The following KCNQ5 variants were observed in gnomAD, a reference collection of about 807,000 sequenced individuals.
The protein encoded by KCNQ5 is potassium voltage-gated channel subfamily Q member 5, also known as potassium voltage-gated channel subfamily KQT member 5.
In KCNQ5, 30 loss-of-function variants were observed where a neutral mutation model predicts 98.2. That is an observed-to-expected ratio of 0.31 (90% CI 0.23 to 0.41). The LOEUF is 0.41. Ranked by LOEUF, KCNQ5 falls within the 10% of genes least tolerant of loss-of-function variation. KCNQ5 has a pLI of 1.00. For synonymous variants in KCNQ5, 458 were observed against 449.4 expected (o/e 1.02, Z -0.24); for missense variants, 835 against 1,182.5 (o/e 0.71, Z 4.31).
intron 1 of KCNQ5, among the ~76,000 whole-genome samples, chr6:72,789,259 G>A (rs970289474): frequency 2.6e-5 from 4 of 152,030 alleles, no homozygotes; most frequent in Admixed American, 2.0e-4. Context: ...TAGGTTCAAG[G>A]GATTCTTGTG....
At chr6:73,034,442 G>A (rs1435003512) in intron 2 of KCNQ5, among the ~76,000 whole-genome samples, 3 of 152,170 alleles carry the variant, frequency 2.0e-5, no homozygotes, top group African/African-American at 4.8e-5. Context: ...TCATCTTCAC[G>A]AAAATGCTAT....
intron 10 of KCNQ5, among the ~76,000 whole-genome samples, chr6:73,157,139 T>C (rs992907516): frequency 1.3e-5 from 2 of 152,204 alleles, no homozygotes; most frequent in African/African-American, 4.8e-5. Context: ...AGCGTCTTCA[T>C]TCGTGCCAGG....
chr6:72,918,749 T>C (rs995118182), intron 1 of KCNQ5, among the ~76,000 whole-genome samples: 2 of 152,116 alleles, frequency 1.3e-5, no homozygotes, highest in Non-Finnish European at 2.9e-5. Context: ...TATCTACTAA[T>C]TGGGGGCCCC....
chr6:72,794,003 A>G (rs1389069815), intron 1 of KCNQ5, among the ~76,000 whole-genome samples: 1 of 152,202 alleles, frequency 6.6e-6, no homozygotes, highest in Non-Finnish European at 1.5e-5. Flanking sequence ...GAATTATTTA[A>G]AAGTTCTGTT....
intron 9 of KCNQ5, among the ~76,000 whole-genome samples, chr6:73,132,741 T>A (rs1290291704): frequency 3.3e-5 from 5 of 152,234 alleles, no homozygotes; most frequent in Admixed American, 2.6e-4. Context: ...GAAATTGTGT[T>A]AGTGAACATA....
chr6:73,047,252 G>C (rs541273049), intron 3 of KCNQ5, among the ~76,000 whole-genome samples: 5 of 152,262 alleles, frequency 3.3e-5, no homozygotes, highest in African/African-American at 1.2e-4. Context: ...AACATTAATT[G>C]CAGTATCAGC....
chr6:73,093,170 T>C (rs753613342), intron 5 of KCNQ5, among the ~76,000 whole-genome samples: 15 of 152,214 alleles, frequency 9.9e-5, no homozygotes, highest in Non-Finnish European at 2.1e-4. Flanking sequence ...CCATCTCTTC[T>C]AGATTTTCCA....
At chr6:72,906,017 TG>T (rs1779684030) in intron 1 of KCNQ5, among the ~76,000 whole-genome samples, 1 of 151,488 alleles carries the variant, frequency 6.6e-6, no homozygotes, top group African/African-American at 2.4e-5. Flanking sequence ...GACCATCAGG[TG>T]GGGGCAGGGC....
intron 1 of KCNQ5, chr6:72,806,723 G>A: frequency 2.5e-6 from 1 of 397,856 alleles, no homozygotes; most frequent in South Asian, 1.8e-5. Flanking sequence ...CCCATATTTT[G>A]ATTTGGCTTG....
chr6:73,126,966 A>G (rs148741455), intron 9 of KCNQ5, among the ~76,000 whole-genome samples: 1,543 of 152,290 alleles, frequency 0.01, 31 homozygotes, highest in African/African-American at 0.035. Context: ...AAGAGAAATA[A>G]AAAATTAAAA....
chr6:72,945,353 G>C (rs967242063), intron 1 of KCNQ5, among the ~76,000 whole-genome samples: 3 of 151,416 alleles, frequency 2.0e-5, no homozygotes, highest in Non-Finnish European at 2.9e-5. Flanking sequence ...GCTGCACCCA[G>C]TAACTCATCA....
chr6:72,680,740 C>CA (rs561148934), intron 1 of KCNQ5, among the ~76,000 whole-genome samples: 235 of 152,200 alleles, frequency 1.5e-3, no homozygotes, highest in Non-Finnish European at 2.7e-3. Context: ...TCCACATTTA[C>CA]AAAAATATAA....
intron 11 of KCNQ5, among the ~76,000 whole-genome samples, chr6:73,186,706 A>G (rs1778583275): frequency 6.6e-6 from 1 of 152,216 alleles, no homozygotes; most frequent in African/African-American, 2.4e-5. Flanking sequence ...GTTTGAGTAC[A>G]TATTACCTTT....
intron 2 of KCNQ5, among the ~76,000 whole-genome samples, chr6:73,014,319 C>A (rs554706579): frequency 1.3e-5 from 2 of 152,116 alleles, no homozygotes; most frequent in South Asian, 2.1e-4. Context: ...GAAAGTGATG[C>A]ATATTATTTG....
intron 1 of KCNQ5, among the ~76,000 whole-genome samples, chr6:72,708,739 C>A (rs1342832083): frequency 6.6e-6 from 1 of 152,096 alleles, no homozygotes; most frequent in Non-Finnish European, 1.5e-5. Flanking sequence ...CCCGCCTGGT[C>A]TCCTGAGCTC....
intron 1 of KCNQ5, among the ~76,000 whole-genome samples, chr6:72,935,534 T>G (rs546679959): frequency 6.6e-6 from 1 of 152,300 alleles, no homozygotes; most frequent in East Asian, 1.9e-4. Context: ...GCATCAAATC[T>G]TCTCTTCTTT....
At chr6:73,152,761 C>G (rs548800500) in intron 10 of KCNQ5, among the ~76,000 whole-genome samples, 1 of 152,296 alleles carries the variant, frequency 6.6e-6, no homozygotes, top group South Asian at 2.1e-4. Context: ...GAGTCAACCA[C>G]TTTTGGGGGA....
chr6:72,836,434 C>CCG (rs1292854547), intron 1 of KCNQ5, among the ~76,000 whole-genome samples: 2 of 151,884 alleles, frequency 1.3e-5, no homozygotes, highest in African/African-American at 4.8e-5. Flanking sequence ...TGCTCTCTCT[C>CCG]TGTGTGTGTA....
At chr6:72,655,988 A>G (rs948408372) in intron 1 of KCNQ5, among the ~76,000 whole-genome samples, 5 of 152,164 alleles carry the variant, frequency 3.3e-5, no homozygotes, top group African/African-American at 1.2e-4. Flanking sequence ...CCATACATCC[A>G]AAGTTTACAT....
Sources: allele counts gnomAD v4.1 joint callset (sites outside exome capture counted in the v4.1 genomes callset), GRCh38; gene constraint gnomAD v4.1.1; transcripts MANE v1.5; gene names NCBI Gene and HGNC (gene_info 2026-07-23, HGNC 2026-07-21).